NCKAP5: variants seen among roughly 807,000 people sequenced by gnomAD.
NCKAP5 encodes the protein nck-associated protein 5.
A neutral mutation model predicts 167.0 loss-of-function variants in NCKAP5; 92 were observed. The observed-to-expected ratio is 0.55, with a 90% CI of 0.47 to 0.66. The LOEUF (loss-of-function observed/expected upper bound fraction) is 0.66. Among genes scored for constraint, NCKAP5 ranks in the 30% least tolerant of loss-of-function variants. NCKAP5 has a pLI of 0.00. For synonymous variants in NCKAP5, 891 were observed against 877.4 expected, an observed-to-expected ratio of 1.02 and a Z score of -0.27; for missense variants, 2,378 against 2,315.0, an observed-to-expected ratio of 1.03 and a Z score of -0.56.
At chr2:133,315,435 A>C in intron 3 of NCKAP5, among the ~76,000 whole-genome samples, 1 of 152,184 alleles carries the variant, frequency 6.6e-6, no homozygotes, top group East Asian at 1.9e-4. Context: ...GTGTTGAATA[A>C]ATTGTTCTCC....
the NCKAP5 span, among the ~76,000 whole-genome samples, chr2:133,632,374 G>T: frequency 6.6e-6 from 1 of 152,214 alleles, no homozygotes; most frequent in Non-Finnish European, 1.5e-5. Context: ...AAGCCCCAAG[G>T]CTGCCTGGAT....
intron 3 of NCKAP5, among the ~76,000 whole-genome samples, chr2:133,428,353 A>G (rs1689942961): frequency 6.6e-6 from 1 of 152,174 alleles, no homozygotes; most frequent in Admixed American, 6.5e-5. Flanking sequence ...CTAATATTTC[A>G]GATGAGTAAG....
intron 6 of NCKAP5, among the ~76,000 whole-genome samples, chr2:133,052,274 A>G (rs114926373): frequency 0.013 from 2,003 of 152,278 alleles, 52 homozygotes; most frequent in African/African-American, 0.046. Context: ...CAGAACTCAT[A>G]CTCTGATCTG....
intron 8 of NCKAP5, among the ~76,000 whole-genome samples, chr2:132,937,076 A>G (rs920432118): frequency 6.6e-6 from 1 of 152,144 alleles, no homozygotes; most frequent in African/African-American, 2.4e-5. Flanking sequence ...CTGCTGACCT[A>G]TAGAAGCTGG....
chr2:133,362,987 C>T (rs1362974937), intron 3 of NCKAP5, among the ~76,000 whole-genome samples: 1 of 151,480 alleles, frequency 6.6e-6, no homozygotes, highest in East Asian at 1.9e-4. Flanking sequence ...AGGATGGTCT[C>T]GATCTCCTGA....
intron 6 of NCKAP5, among the ~76,000 whole-genome samples, chr2:132,997,004 T>C (rs1308701164): frequency 1.3e-5 from 2 of 152,196 alleles, no homozygotes; most frequent in African/African-American, 4.8e-5. Flanking sequence ...ATGACACTGG[T>C]TGAAGAGAAC....
intron 3 of NCKAP5, among the ~76,000 whole-genome samples, chr2:133,510,117 C>G (rs1465549198): frequency 6.6e-6 from 1 of 152,162 alleles, no homozygotes; most frequent in Non-Finnish European, 1.5e-5. Context: ...TCCAGAATCT[C>G]CTCAGGGGAA....
the NCKAP5 span, among the ~76,000 whole-genome samples, chr2:133,629,732 T>C: frequency 1.3e-5 from 2 of 152,084 alleles, no homozygotes; most frequent in Non-Finnish European, 1.5e-5. Context: ...ATCAACCCAA[T>C]GCCCATAAAT....
intron 6 of NCKAP5, among the ~76,000 whole-genome samples, chr2:133,125,056 A>AATCATC (rs60949417): frequency 7.9e-5 from 12 of 151,962 alleles, no homozygotes; most frequent in African/African-American, 2.7e-4. Flanking sequence ...CAATAATAAT[A>AATCATC]ATCATCATCA....
At chr2:133,547,941 G>T (rs1277948999) in intron 2 of NCKAP5, among the ~76,000 whole-genome samples, 1 of 146,226 alleles carries the variant, frequency 6.8e-6, no homozygotes, top group Non-Finnish European at 1.5e-5. Context: ...AGCTACGGGA[G>T]GACATTCAAA....
intron 3 of NCKAP5, among the ~76,000 whole-genome samples, chr2:133,335,804 C>G (rs1683173348): frequency 6.6e-6 from 1 of 152,062 alleles, no homozygotes; most frequent in Non-Finnish European, 1.5e-5. Flanking sequence ...GTAATTAGAA[C>G]TGATATTTTA....
intron 6 of NCKAP5, among the ~76,000 whole-genome samples, chr2:133,036,761 G>T (rs968623966): frequency 6.6e-6 from 1 of 151,918 alleles, no homozygotes; most frequent in African/African-American, 2.4e-5. Context: ...TCTGAAACAT[G>T]ACAAGGATAC....
Position 132,820,450 on chromosome 2 carries a change from G to C in NCKAP5, c.808-23721C>G, listed in dbSNP as rs777704000. ...TCATTGTGTTAGCCAGGATGGTCTC[G>C]ATCTCCTGAACTTGTGATCTGCCCG... On this transcript the variant is annotated intron_variant, in intron 11 of 19. Transcript: ENST00000409261. Among the ~76,000 whole-genome samples the C allele has an allele frequency of 2.0e-5, 3 of 151,828 alleles. No individual in the cohort carries two copies. In the East Asian group the frequency reaches 5.8e-4, roughly 30 times the overall value.
chr2:133,003,222 A>G (rs75267791), intron 6 of NCKAP5, among the ~76,000 whole-genome samples: 267 of 152,282 alleles, frequency 1.8e-3, no homozygotes, highest in African/African-American at 5.8e-3. Context: ...AATTACCTTA[A>G]TGAAGAACAT....
intron 1 of NCKAP5, among the ~76,000 whole-genome samples, chr2:133,565,832 G>A (rs1688508563): frequency 6.6e-6 from 1 of 152,248 alleles, no homozygotes; most frequent in East Asian, 1.9e-4. Context: ...GTTTGCAACA[G>A]GAAAATGGAT....
At chr2:133,405,652 T>A (rs1326269838) in intron 3 of NCKAP5, among the ~76,000 whole-genome samples, 1 of 152,218 alleles carries the variant, frequency 6.6e-6, no homozygotes. Flanking sequence ...TTTCAGTGAG[T>A]AGCAAATTCA....
At position 132,763,967 on chromosome 2, in the gene NCKAP5, G is replaced by A. The variant is rs138859780; in HGVS notation, c.5128+9849C>T. Among the ~76,000 whole-genome samples the A allele has an allele frequency of 1.1e-4, 17 of 152,240 alleles. No individual in the cohort carries two copies. The East Asian group carries it at 2.9e-3, about 26-fold the overall frequency. ...TAGAATTTAGCTCCCTGGTGCAATC[G>A]ATAGGAGTAAACATTTTACAGGAGT... On this transcript the variant is annotated intron_variant, in intron 16 of 19. Coordinates refer to ENST00000409261, the MANE Select transcript of NCKAP5 (RefSeq NM_207363.3).
chr2:133,309,152 T>A (rs1028868177), intron 3 of NCKAP5, among the ~76,000 whole-genome samples: 6 of 152,190 alleles, frequency 3.9e-5, no homozygotes, highest in Admixed American at 1.3e-4. Flanking sequence ...AAAAGTAATA[T>A]CCTACAGTAA....
chr2:132,920,771 G>GTGTA lies in NCKAP5; in HGVS notation c.580-41856_580-41855insTACA, dbSNP rs1219401757. 5.7e-3 allele frequency among the ~76,000 whole-genome samples: 179 copies of GTGTA among 31,576 alleles called. 10 individuals carry two copies. The highest frequency in any genetic ancestry group is 0.077 in the Middle Eastern group (2 of 26). 20.7% of individuals were successfully genotyped at this position (31,576 alleles called of 152,430 possible). On this transcript the variant is annotated intron_variant, in intron 8 of 19. Transcript: ENST00000409261. ...TATATATATATGTATATATATGTAT[G>GTGTA]TATATATATATATATATATATATAT... is the stretch of plus-strand genomic sequence containing the variant.
Sources: gnomAD v4.1 joint callset for allele counts (sites outside exome capture counted in the v4.1 genomes callset) on GRCh38, gnomAD v4.1.1 for gene constraint, MANE v1.5 for transcripts, NCBI Gene and HGNC (gene_info 2026-07-23, HGNC 2026-07-21) for gene names.